SLC10A7: variants seen among roughly 807,000 people sequenced by gnomAD.
The protein encoded by SLC10A7 is solute carrier family 10 member 7.
A neutral mutation model predicts 43.2 loss-of-function variants in SLC10A7; 29 were observed. That is an observed-to-expected ratio of 0.67 (90% confidence interval 0.50 to 0.92). SLC10A7 has a LOEUF of 0.92. Ranked by LOEUF, SLC10A7 falls within the 40% of genes least tolerant of loss-of-function variation. SLC10A7 has a pLI of 0.00. For synonymous variants in SLC10A7, 152 were observed against 144.8 expected, an observed-to-expected ratio of 1.05 and a Z score of -0.35; for missense variants, 295 against 403.2, an observed-to-expected ratio of 0.73 and a Z score of 2.30.
chr4:146,509,749 C>G (rs1354330903), intron 3 of SLC10A7, among the ~76,000 whole-genome samples, 164 bp downstream of exon 3: 1 of 152,112 alleles, frequency 6.6e-6, no homozygotes, highest in Non-Finnish European at 1.5e-5. Flanking sequence ...TTTGATGAAC[C>G]TCCTTGATGA....
intron 10 of SLC10A7, among the ~76,000 whole-genome samples, chr4:146,263,964 T>A (rs1245812346): frequency 6.6e-6 from 1 of 152,218 alleles, no homozygotes; most frequent in Admixed American, 6.5e-5. Context: ...ACTTGGGAAA[T>A]CACTAATGTA....
intron 5 of SLC10A7, among the ~76,000 whole-genome samples, chr4:146,350,771 C>G (rs1277313229): frequency 4.1e-5 from 4 of 97,286 alleles, no homozygotes; most frequent in Non-Finnish European, 7.9e-5. Flanking sequence ...AGCAGGGGCA[C>G]ACTGACACCT....
intron 5 of SLC10A7, chr4:146,442,122 T>C (rs1287157629): frequency 1.0e-6 from 1 of 972,624 alleles, no homozygotes; most frequent in Non-Finnish European, 1.2e-6. Context: ...TCTCAATCTT[T>C]CATAACACAA....
At chr4:146,448,533 C>T (rs1731311169) in intron 4 of SLC10A7, among the ~76,000 whole-genome samples, 1 of 152,104 alleles carries the variant, frequency 6.6e-6, no homozygotes, top group Admixed American at 6.5e-5. Context: ...TGGTCCAACA[C>T]CCCTCTTTTT....
rs979647427 is a variant in SLC10A7 at position 146,316,104 on chromosome 4, C to T, written c.471+9857G>A. Among the ~76,000 whole-genome samples, 9 of 152,122 alleles carry T rather than the reference C, an allele frequency of 5.9e-5. 1 individual carries two copies. The highest frequency in any genetic ancestry group is 2.6e-4 in the Admixed American group (4 of 15,246). On this transcript the variant is annotated intron_variant, in intron 6 of 11. Transcript: ENST00000335472. ...AAGATTAATATGAAATTCCAAGTAA[C>T]GAACTTATAAGTACAGTTTTTAAAG...
chr4:146,398,328 G>C (rs1738981637), intron 5 of SLC10A7, among the ~76,000 whole-genome samples: 1 of 152,276 alleles, frequency 6.6e-6, no homozygotes, highest in East Asian at 1.9e-4. Flanking sequence ...CACAGAAAAT[G>C]AATGTGTGGC....
Position 146,509,900 on chromosome 4 carries a change from G to A in SLC10A7, c.320+13C>T. 6.2e-7 allele frequency: 1 copy of A among 1,608,886 alleles called. No individual in the cohort carries two copies. On this transcript the variant is annotated intron_variant, in intron 3 of 11. Coordinates refer to ENST00000335472, the MANE Select transcript of SLC10A7 (RefSeq NM_001029998.6). ...CATTAAAAGTGGACCCACTTTTAAA[G>A]ATTTAAACATACCCTTTTAAAAGCC...
intron 10 of SLC10A7, among the ~76,000 whole-genome samples, chr4:146,260,188 G>T (rs1334001667): frequency 8.4e-6 from 1 of 118,842 alleles, no homozygotes; most frequent in Admixed American, 9.6e-5. Flanking sequence ...CATAAAAAAT[G>T]AAGGGCCTTT....
intron 10 of SLC10A7, among the ~76,000 whole-genome samples, chr4:146,275,408 A>G (rs1271064107): frequency 1.3e-5 from 2 of 152,182 alleles, no homozygotes; most frequent in African/African-American, 4.8e-5. Flanking sequence ...GTTTCACAGC[A>G]CAGGGCTCTT....
chr4:146,511,444 G>A (rs1032529519), intron 2 of SLC10A7, among the ~76,000 whole-genome samples: 2 of 152,170 alleles, frequency 1.3e-5, no homozygotes, highest in African/African-American at 4.8e-5. Flanking sequence ...TGGCCCCTTT[G>A]TTCAGGTAAG....
At chr4:146,359,569 G>A (rs1735900936) in intron 5 of SLC10A7, among the ~76,000 whole-genome samples, 1 of 152,068 alleles carries the variant, frequency 6.6e-6, no homozygotes, top group African/African-American at 2.4e-5. Flanking sequence ...GAAGTGTAAA[G>A]GGGTGTTAAG....
In SLC10A7 at chr4:146,422,959, T is replaced by C. The variant is rs552087169; in HGVS notation, c.435+19824A>G. On this transcript the variant is annotated intron_variant, in intron 5 of 11. Transcript: ENST00000335472. ...TCTCTGAGAGTAGGATTTGGACCTGTTGACATATTTTTATTCCTCCCAGCA... is the reference window on the plus strand; with the variant it reads ...TCTCTGAGAGTAGGATTTGGACCTGCTGACATATTTTTATTCCTCCCAGCA... 2.6e-5 allele frequency among the ~76,000 whole-genome samples: 4 copies of C among 152,246 alleles called. No individual in the cohort carries two copies. In the East Asian group the frequency reaches 7.7e-4, roughly 29 times the overall value.
chr4:146,312,487 A>G (rs770603641), intron 6 of SLC10A7, among the ~76,000 whole-genome samples: 8 of 152,178 alleles, frequency 5.3e-5, no homozygotes, highest in Non-Finnish European at 8.8e-5. Context: ...GCAATACTTT[A>G]TTATTAACTA....
intron 10 of SLC10A7, among the ~76,000 whole-genome samples, chr4:146,262,151 C>A (rs1265231288): frequency 1.3e-5 from 2 of 152,168 alleles, no homozygotes; most frequent in Non-Finnish European, 2.9e-5. Flanking sequence ...TCCTTGCTTT[C>A]TTTCAACCTC....
intron 1 of SLC10A7, among the ~76,000 whole-genome samples, chr4:146,518,424 A>G (rs1443648607): frequency 6.6e-6 from 1 of 152,166 alleles, no homozygotes; most frequent in East Asian, 1.9e-4. Context: ...TCCAACAACA[A>G]AAATTATCAT....
intron 5 of SLC10A7, among the ~76,000 whole-genome samples, chr4:146,371,988 T>C (rs941566173): frequency 1.3e-5 from 2 of 152,172 alleles, no homozygotes; most frequent in African/African-American, 2.4e-5. Context: ...CAATGTTTTA[T>C]GTCAAATGGG....
intron 3 of SLC10A7, among the ~76,000 whole-genome samples, chr4:146,509,628 T>C (rs1471513662): frequency 6.6e-6 from 1 of 152,220 alleles, no homozygotes; most frequent in Non-Finnish European, 1.5e-5. Flanking sequence ...ATCTTACATC[T>C]GCTAGTCCTT....
At chr4:146,464,756 T>C (rs1156665700) in intron 4 of SLC10A7, among the ~76,000 whole-genome samples, 1 of 151,826 alleles carries the variant, frequency 6.6e-6, no homozygotes, top group African/African-American at 2.4e-5. Flanking sequence ...AAATTGCAAA[T>C]AAAAAAAGAC....
intron 6 of SLC10A7, among the ~76,000 whole-genome samples, chr4:146,316,417 T>G (rs1330904396): frequency 6.6e-6 from 1 of 152,010 alleles, no homozygotes; most frequent in Non-Finnish European, 1.5e-5. Context: ...ATGAATGAAT[T>G]AGTGCTCTTA....
Sources: gnomAD v4.1 joint callset for allele counts (sites outside exome capture counted in the v4.1 genomes callset) on GRCh38, gnomAD v4.1.1 for gene constraint, MANE v1.5 for transcripts, NCBI Gene and HGNC (gene_info 2026-07-23, HGNC 2026-07-21) for gene names.